Variants in TEC observed in about 807,000 individuals in gnomAD.
TEC encodes tec protein tyrosine kinase.
A neutral mutation model predicts 93.0 loss-of-function variants in TEC; 72 were observed. That is an observed-to-expected ratio of 0.77 (90% CI 0.64 to 0.94). TEC has a LOEUF of 0.94. TEC is among the 40% of genes least tolerant of loss of function. The pLI, the probability that TEC is intolerant of heterozygous loss-of-function variation, is 0.00. For missense variants in TEC, 630 were observed against 757.9 expected (o/e 0.83, Z 1.98); for synonymous variants, 249 against 247.7 (o/e 1.01, Z -0.05).
chr4:48,245,783 G>C (rs1241812953), intron 1 of TEC, among the ~76,000 whole-genome samples: 1 of 151,960 alleles, frequency 6.6e-6, no homozygotes, highest in Non-Finnish European at 1.5e-5. Context: ...AAAAAGTCTG[G>C]CTACATTAAA....
At chr4:48,166,245 GC>G (rs55649419) in intron 7 of TEC, among the ~76,000 whole-genome samples, 1 of 151,816 alleles carries the variant, frequency 6.6e-6, no homozygotes, top group African/African-American at 2.4e-5. Flanking sequence ...AAGAGAGGTA[GC>G]CCCCCCAGAG....
chr4:48,240,458 T>C (rs1463607478), intron 1 of TEC, among the ~76,000 whole-genome samples: 3 of 152,064 alleles, frequency 2.0e-5, no homozygotes, highest in African/African-American at 7.2e-5. Flanking sequence ...ACAAATACCT[T>C]CCAATGGTCC....
intron 14 of TEC, among the ~76,000 whole-genome samples, chr4:48,144,423 G>A (rs1719816732): frequency 6.6e-6 from 1 of 152,152 alleles, no homozygotes; most frequent in Non-Finnish European, 1.5e-5. Flanking sequence ...AGGGGACAGA[G>A]TGCTACTGAT....
intron 5 of TEC, 151 bp downstream of exon 5, chr4:48,170,097 A>T: frequency 1.8e-6 from 1 of 568,462 alleles, no homozygotes; most frequent in Non-Finnish European, 2.9e-6. Flanking sequence ...CTGTAACTAA[A>T]TATAATTTTT....
intron 14 of TEC, among the ~76,000 whole-genome samples, chr4:48,142,241 C>T (rs1206071481): frequency 1.1e-4 from 16 of 152,004 alleles, no homozygotes; most frequent in Non-Finnish European, 2.4e-4. Context: ...GAGGCTAAGG[C>T]GGGTGGATAA....
At chr4:48,248,985 T>C (rs948329470) in intron 1 of TEC, among the ~76,000 whole-genome samples, 2 of 152,146 alleles carry the variant, frequency 1.3e-5, no homozygotes, top group Non-Finnish European at 2.9e-5. Flanking sequence ...TGTGTCAAGT[T>C]TGGAGCTTCT....
At chr4:48,219,207 C>T (rs1723174638) in intron 2 of TEC, among the ~76,000 whole-genome samples, 1 of 152,180 alleles carries the variant, frequency 6.6e-6, no homozygotes, top group Admixed American at 6.5e-5. Flanking sequence ...TGAGAAGTGA[C>T]CTAGAAGGCA....
At chr4:48,264,051 G>A (rs768697590) in intron 1 of TEC, among the ~76,000 whole-genome samples, 1 of 152,172 alleles carries the variant, frequency 6.6e-6, no homozygotes, top group Non-Finnish European at 1.5e-5. Context: ...GAAAGCCTAA[G>A]ACAATGACAA....
chr4:48,210,387 AG>A (rs1722860175), intron 2 of TEC, among the ~76,000 whole-genome samples: 1 of 152,126 alleles, frequency 6.6e-6, no homozygotes, highest in Admixed American at 6.5e-5. Flanking sequence ...TAGGAGGCCA[AG>A]GTGGGAGGAT....
intron 1 of TEC, among the ~76,000 whole-genome samples, chr4:48,268,449 T>TG (rs1054336869): frequency 2.0e-5 from 3 of 152,200 alleles, no homozygotes; most frequent in African/African-American, 7.2e-5. Context: ...AACTGGAGTA[T>TG]GGGGAAAGTG....
chr4:48,224,886 G>A (rs1165380447), intron 2 of TEC, among the ~76,000 whole-genome samples: 1 of 152,166 alleles, frequency 6.6e-6, no homozygotes, highest in East Asian at 1.9e-4. Flanking sequence ...GACGTCTTCT[G>A]TCTAACATTA....
At chr4:48,152,999 C>T (rs1720239314) in intron 9 of TEC, among the ~76,000 whole-genome samples, 1 of 152,080 alleles carries the variant, frequency 6.6e-6, no homozygotes, top group Non-Finnish European at 1.5e-5. Context: ...CTTACAGATG[C>T]AAAAAGTAGA....
At chr4:48,267,347 C>T (rs1267285120) in intron 1 of TEC, among the ~76,000 whole-genome samples, 1 of 152,156 alleles carries the variant, frequency 6.6e-6, no homozygotes, top group Non-Finnish European at 1.5e-5. Context: ...TTAATTGTTA[C>T]AATCCAATCC....
intron 2 of TEC, among the ~76,000 whole-genome samples, chr4:48,215,072 G>A (rs1271955271): frequency 6.6e-6 from 1 of 152,138 alleles, no homozygotes; most frequent in East Asian, 1.9e-4. Context: ...AGAATCGCTT[G>A]AACCCGGGAG....
chr4:48,207,231 T>G (rs1722744562), intron 2 of TEC, among the ~76,000 whole-genome samples: 1 of 151,760 alleles, frequency 6.6e-6, no homozygotes, highest in African/African-American at 2.4e-5. Context: ...GAGGAAAAAA[T>G]ATGGAATGAA....
rs564117548 is a variant in TEC, at chr4:48,156,622, T to C, written c.792+58A>G. ...AAGAGAGATATGTGGAACTACTTAT[T>C]ATGGACTCATTAAAATTAATTTGCC... is the stretch of plus-strand genomic sequence containing the variant. On this transcript the variant is annotated intron_variant, in intron 9 of 17. Transcript: ENST00000381501. 1.1e-5 allele frequency: 16 copies of C among 1,468,592 alleles called. No homozygotes were observed. The East Asian group carries it at 3.2e-4, about 30-fold the overall frequency. The allele number at this position is 1,468,592 out of a possible 1,614,324, so 91.0% of individuals were successfully genotyped here.
intron 2 of TEC, among the ~76,000 whole-genome samples, chr4:48,198,132 T>TGG (rs1722364447): frequency 1.4e-4 from 21 of 152,344 alleles, no homozygotes; most frequent in Admixed American, 1.4e-3. Flanking sequence ...TGGTGATGTA[T>TGG]TGAGTTTCCA....
At chr4:48,179,787 A>ACACATTC (rs1337101225) in intron 2 of TEC, among the ~76,000 whole-genome samples, 1 of 152,178 alleles carries the variant, frequency 6.6e-6, no homozygotes, top group Non-Finnish European at 1.5e-5. Context: ...CAAAGAAAAA[A>ACACATTC]CACATTCCAC....
chr4:48,254,910 T>C (rs778483214), intron 1 of TEC, among the ~76,000 whole-genome samples: 3 of 151,740 alleles, frequency 2.0e-5, no homozygotes, highest in African/African-American at 7.3e-5. Flanking sequence ...AAGCTGAACA[T>C]GGTGCAGAGT....
Sources: gnomAD v4.1 joint callset for allele counts (sites outside exome capture counted in the v4.1 genomes callset) on GRCh38, gnomAD v4.1.1 for gene constraint, MANE v1.5 for transcripts, NCBI Gene and HGNC (gene_info 2026-07-23, HGNC 2026-07-21) for gene names.